Variants in SEC24C observed in about 807,000 individuals in gnomAD.
SEC24C encodes protein transport protein Sec24C.
Under a neutral mutation model 117.0 loss-of-function variants are expected in SEC24C, and 22 were observed. That is an observed-to-expected ratio of 0.19 (90% CI 0.13 to 0.27). SEC24C has a LOEUF of 0.27. SEC24C is among the 10% of genes least tolerant of loss of function. The pLI is 1.00. For missense variants in SEC24C, 1,155 were observed against 1,375.1 expected (o/e 0.84, Z 2.53); for synonymous variants, 506 against 529.4 (o/e 0.96, Z 0.61).
chr10:73,765,842 G>C lies in SEC24C; in HGVS notation c.1409G>C (p.Arg470Pro). The C allele has an allele frequency of 6.2e-7, 1 of 1,614,138 alleles. No individual in the cohort carries two copies. Among genetic ancestry groups the C allele is most frequent in the Non-Finnish European group, 8.5e-7 (1 of 1,180,020 alleles). ...YFQHLDHTGK[R>P]VDAYDRPELS... is the part of the protein sequence containing the mutation. Reference sequence around the variant, plus strand: ...CAGCACCTGGATCATACCGGCAAACGTGTGGATGCTTATGACCGCCCTGAG... The same window carrying C: ...CAGCACCTGGATCATACCGGCAAACCTGTGGATGCTTATGACCGCCCTGAG... Residue 470 changes from arginine to proline, a missense_variant, in exon 10 of 23, where the codon CGT (arginine) becomes CCT (proline). Arg to Pro is a moderately radical substitution (Grantham distance 103, BLOSUM62 -2). Transcript: ENST00000345254.
intron 3 of SEC24C, among the ~76,000 whole-genome samples, chr10:73,759,119 CT>C (rs1428930635): frequency 6.6e-6 from 1 of 151,836 alleles, no homozygotes; most frequent in Non-Finnish European, 1.5e-5. Flanking sequence ...TCAGCTGAGC[CT>C]GGAAAGTTGA....
chr10:73,758,319 T>C (rs913830472), intron 3 of SEC24C, among the ~76,000 whole-genome samples: 8 of 152,180 alleles, frequency 5.3e-5, no homozygotes, highest in Admixed American at 2.0e-4. Context: ...GAGCAAAAGT[T>C]TGAGGGGGCT....
In SEC24C at chr10:73,767,031, A is replaced by G; in HGVS notation, c.1894-23A>G. The G allele has an allele frequency of 1.3e-6, 2 of 1,565,222 alleles. No homozygotes were observed. The highest frequency in any genetic ancestry group is 1.8e-6 in the Non-Finnish European group (2 of 1,136,464). On this transcript the variant is annotated intron_variant, in intron 13 of 22. Transcript: ENST00000345254. ...GAGATGGATGAATAAAGAATAAACA[A>G]GTAGTCCTCTCTTTTTTCCTAGGCT...
intron 5 of SEC24C, 64 bp downstream of exon 5, chr10:73,760,450 G>A (rs1448835352): frequency 4.9e-5 from 73 of 1,496,778 alleles, no homozygotes; most frequent in Non-Finnish European, 6.4e-5. Context: ...GGTTTTTGAT[G>A]TTTTTTATTT....
chr10:73,769,221 G>T lies in SEC24C; in HGVS notation c.2424+69G>T. ...CTTGGTATAGAAGAGGGTGAGGAATGGGTAGAGAGCACTAAAAGAAGAGAC... is the reference window on the plus strand; with the variant it reads ...CTTGGTATAGAAGAGGGTGAGGAATTGGTAGAGAGCACTAAAAGAAGAGAC... On this transcript the variant is annotated intron_variant, in intron 17 of 22. Transcript: ENST00000345254. The surrounding 1 kb of genome is among the most constrained non-coding windows in gnomAD (Gnocchi z 4.5). 1 of 1,596,578 alleles carries T rather than the reference G, an allele frequency of 6.3e-7. No individual in the cohort carries two copies. Among genetic ancestry groups the T allele is most frequent in the South Asian group, 1.1e-5 (1 of 89,142 alleles).
At chr10:73,757,093 T>C (rs1358467620) in intron 3 of SEC24C, among the ~76,000 whole-genome samples, 4 of 149,292 alleles carry the variant, frequency 2.7e-5, no homozygotes, top group African/African-American at 9.8e-5. Context: ...TGTATTTTTT[T>C]AGTAGAGATG....
At chr10:73,767,774 T>TG in intron 14 of SEC24C, 63 bp from the exon 15 acceptor site, 1 of 1,342,462 alleles carries the variant, frequency 7.4e-7, no homozygotes, top group Non-Finnish European at 1.0e-6. Flanking sequence ...GATATACAGT[T>TG]TTCAAATAGG....
chr10:73,748,405 C>T (rs562619418), intron 2 of SEC24C, among the ~76,000 whole-genome samples: 3 of 150,568 alleles, frequency 2.0e-5, no homozygotes, highest in Non-Finnish European at 4.4e-5. Context: ...AAAGTGCTGA[C>T]ATTACAGGCA....
intron 4 of SEC24C, 26 bp from the exon 5 acceptor site, chr10:73,759,992 G>T: frequency 6.5e-7 from 1 of 1,538,100 alleles, no homozygotes; most frequent in South Asian, 1.2e-5. Flanking sequence ...CTGGGCTTTT[G>T]ACTCTACCTT....
At chr10:73,767,811 C>CT (rs771601301) in intron 14 of SEC24C, 26 bp from the exon 15 acceptor site, 1 of 1,561,540 alleles carries the variant, frequency 6.4e-7, no homozygotes, top group Non-Finnish European at 8.7e-7. Flanking sequence ...TGAACATTTT[C>CT]TTCTCCCCAT....
rs774177202 is a variant in SEC24C at position 73,747,655 on chromosome 10, A to ATTTTT, written c.172+668_172+672dup. 3.6e-5 allele frequency among the ~76,000 whole-genome samples: 3 copies of ATTTTT among 84,022 alleles called. 1 individual carries two copies. The highest frequency in any genetic ancestry group is 7.1e-4 in the South Asian group (2 of 2,812). 55.1% of individuals were successfully genotyped at this position (84,022 alleles called of 152,430 possible). ...GCGTGAGCTACCGTGCCTGGCCTGTATTTTTTTTTTTTTTTTTTTTTGAGA... is the reference window on the plus strand; with the variant it reads ...GCGTGAGCTACCGTGCCTGGCCTGTATTTTTTTTTTTTTTTTTTTTTTTTTTGAGA... On this transcript the variant is annotated intron_variant, in intron 2 of 22. Coordinates refer to ENST00000345254, the MANE Select transcript of SEC24C (RefSeq NM_198597.3).
Position 73,766,556 on chromosome 10 carries a change from G to A in SEC24C, c.1799+15G>A, listed in dbSNP as rs776383889. 1.3e-6 allele frequency: 2 copies of A among 1,597,186 alleles called. No individual in the cohort carries two copies. The highest frequency in any genetic ancestry group is 2.7e-5 in the African/African-American group (2 of 74,770). ...GTTATCACCAGGTAAGAGCCAGATT[G>A]TGGAGGTAAAGGTTGGGGGTGGCAT... On this transcript the variant is annotated intron_variant, in intron 12 of 22. Coordinates refer to ENST00000345254, the MANE Select transcript of SEC24C (RefSeq NM_198597.3).
intron 3 of SEC24C, chr10:73,752,032 C>T (rs1454278960): frequency 6.6e-6 from 1 of 152,214 alleles, no homozygotes; most frequent in Non-Finnish European, 1.5e-5. Flanking sequence ...ATGGTGAAAA[C>T]TTCAGTGGTA....
At chr10:73,749,438 T>C (rs1033631996) in intron 2 of SEC24C, among the ~76,000 whole-genome samples, 3 of 152,228 alleles carry the variant, frequency 2.0e-5, no homozygotes, top group African/African-American at 7.2e-5. Flanking sequence ...TTGAGTTTCC[T>C]CTGCTTCTTA....
intron 2 of SEC24C, among the ~76,000 whole-genome samples, chr10:73,749,481 A>G (rs2082611687): frequency 6.6e-6 from 1 of 151,280 alleles, no homozygotes; most frequent in African/African-American, 2.4e-5. Context: ...ATAAGATAAT[A>G]CTAATCTGAT....
chr10:73,770,233 T>C, intron 20 of SEC24C, 47 bp from the exon 21 acceptor site: 1 of 1,537,550 alleles, frequency 6.5e-7, no homozygotes, highest in Non-Finnish European at 8.8e-7. Flanking sequence ...GGGGGCAGAC[T>C]TGTCTTATGG....
chr10:73,764,451 G>C (rs1193671703), intron 8 of SEC24C, among the ~76,000 whole-genome samples: 1 of 151,618 alleles, frequency 6.6e-6, no homozygotes, highest in Non-Finnish European at 1.5e-5. Flanking sequence ...GTGAACCCGG[G>C]AGGCAGAGCT....
intron 11 of SEC24C, 65 bp from the exon 12 acceptor site, chr10:73,766,285 G>A: frequency 6.3e-7 from 1 of 1,582,814 alleles, no homozygotes; most frequent in Non-Finnish European, 8.6e-7. Context: ...AATGTAGCTT[G>A]GTGTCATGAA....
chr10:73,752,998 C>T (rs909141459), intron 3 of SEC24C, among the ~76,000 whole-genome samples: 5 of 152,138 alleles, frequency 3.3e-5, no homozygotes, highest in African/African-American at 1.2e-4. Flanking sequence ...TCTCTCCCTC[C>T]CCTCATAAAT....
Sources: allele counts gnomAD v4.1 joint callset (sites outside exome capture counted in the v4.1 genomes callset), GRCh38; gene constraint gnomAD v4.1.1; non-coding constraint Gnocchi (gnomAD v3.1); transcripts MANE v1.5; gene names NCBI Gene and HGNC (gene_info 2026-07-23, HGNC 2026-07-21).